Variants in CEP128 observed in about 807,000 individuals in gnomAD.
CEP128 encodes the protein centrosomal protein 128.
A neutral mutation model predicts 156.7 loss-of-function variants in CEP128; 132 were observed. That is an observed-to-expected ratio of 0.84 (90% CI 0.73 to 0.97). The LOEUF (loss-of-function observed/expected upper bound fraction) is 0.97. Among genes scored for constraint, CEP128 ranks in the 50% least tolerant of loss-of-function variants. CEP128 has a pLI of 0.00. For missense variants in CEP128, 1,252 were observed against 1,281.9 expected (o/e 0.98, Z 0.36); for synonymous variants, 469 against 448.9 (o/e 1.04, Z -0.57).
At chr14:80,523,080 A>G (rs1888815650) in intron 23 of CEP128, among the ~76,000 whole-genome samples, 1 of 152,142 alleles carries the variant, frequency 6.6e-6, no homozygotes, top group Admixed American at 6.5e-5. Flanking sequence ...TTGAAAGAGA[A>G]CCTGACTTGC....
At chr14:80,852,454 C>T (rs902983930) in intron 9 of CEP128, among the ~76,000 whole-genome samples, 23 of 151,718 alleles carry the variant, frequency 1.5e-4, no homozygotes, top group Admixed American at 1.4e-3. Context: ...ATCAAGCATT[C>T]AATTTTCAAG....
chr14:80,545,717 A>C (rs570584188), intron 21 of CEP128, among the ~76,000 whole-genome samples: 28 of 152,320 alleles, frequency 1.8e-4, no homozygotes, highest in African/African-American at 6.5e-4. Context: ...ACATGATGCT[A>C]TCAGCAGAAA....
intron 21 of CEP128, among the ~76,000 whole-genome samples, chr14:80,533,861 G>A (rs933933097): frequency 1.3e-5 from 2 of 151,728 alleles, no homozygotes; most frequent in Admixed American, 6.6e-5. Flanking sequence ...TATGTATCTC[G>A]GATATCATAG....
downstream of CEP128, among the ~76,000 whole-genome samples, chr14:80,486,732 A>G (rs541723818): frequency 2.0e-3 from 302 of 152,334 alleles, 1 homozygote; most frequent in African/African-American, 6.8e-3. Context: ...CTTAAAGAAA[A>G]GAATTTTCAA....
intron 14 of CEP128, among the ~76,000 whole-genome samples, chr14:80,789,466 G>C (rs1901590360): frequency 6.6e-6 from 1 of 152,146 alleles, no homozygotes; most frequent in South Asian, 2.1e-4. Flanking sequence ...TGAATTATAA[G>C]GATACAGACT....
chr14:80,817,527 G>C (rs535751810), intron 13 of CEP128, among the ~76,000 whole-genome samples: 1 of 152,264 alleles, frequency 6.6e-6, no homozygotes, highest in South Asian at 2.1e-4. Flanking sequence ...TCAGTAAAGA[G>C]ATGGAAATTA....
At chr14:80,545,410 A>G (rs1398926981) in intron 21 of CEP128, among the ~76,000 whole-genome samples, 1 of 152,252 alleles carries the variant, frequency 6.6e-6, no homozygotes, top group Non-Finnish European at 1.5e-5. Context: ...CTGATTTACC[A>G]TAAAAATAAA....
chr14:80,785,652 A>C (rs963770742), intron 14 of CEP128, 107 bp from the exon 15 acceptor site: 2 of 760,784 alleles, frequency 2.6e-6, no homozygotes, highest in African/African-American at 3.5e-5. Context: ...AAGGAAAAAA[A>C]AAATTCATCA....
chr14:80,775,572 T>C (rs1027660551), intron 16 of CEP128, among the ~76,000 whole-genome samples: 1 of 152,210 alleles, frequency 6.6e-6, no homozygotes, highest in African/African-American at 2.4e-5. Flanking sequence ...ACTACATAGT[T>C]TTAACAACTG....
chr14:80,549,745 A>G (rs1038163676), intron 21 of CEP128, among the ~76,000 whole-genome samples: 7 of 152,222 alleles, frequency 4.6e-5, no homozygotes, highest in African/African-American at 1.7e-4. Context: ...CTAGAGCACA[A>G]TTTAGTGTCC....
chr14:80,640,802 A>G (rs188804018), intron 19 of CEP128, among the ~76,000 whole-genome samples: 1 of 152,334 alleles, frequency 6.6e-6, no homozygotes, highest in East Asian at 1.9e-4. Flanking sequence ...CAAAATTCCA[A>G]TAGTTTATTA....
At chr14:80,874,424 A>G (rs2139276682) in intron 8 of CEP128, among the ~76,000 whole-genome samples, 1 of 151,920 alleles carries the variant, frequency 6.6e-6, no homozygotes, top group South Asian at 2.1e-4. Flanking sequence ...AGATCACACC[A>G]CTGCACCCCA....
intron 16 of CEP128, among the ~76,000 whole-genome samples, chr14:80,766,328 A>T (rs1900237858): frequency 1.3e-5 from 2 of 152,168 alleles, no homozygotes; most frequent in South Asian, 4.1e-4. Flanking sequence ...TGACAATCTC[A>T]TGATAAACAC....
chr14:80,654,840 T>G (rs556049475), intron 19 of CEP128, among the ~76,000 whole-genome samples: 5 of 152,132 alleles, frequency 3.3e-5, no homozygotes, highest in Admixed American at 6.6e-5. Flanking sequence ...TAAATCTTCA[T>G]GGGCTTTAAC....
At chr14:80,930,690 T>G (rs904409299) in intron 2 of CEP128, among the ~76,000 whole-genome samples, 8 of 152,192 alleles carry the variant, frequency 5.3e-5, no homozygotes, top group African/African-American at 1.9e-4. Context: ...ATGGAGACCA[T>G]GCACACTGCA....
intron 8 of CEP128, among the ~76,000 whole-genome samples, chr14:80,868,071 T>TG (rs201198120): frequency 0.015 from 2,308 of 151,220 alleles, 25 homozygotes; most frequent in Middle Eastern, 0.054. Context: ...TGGCAGGGGG[T>TG]GGGGGGAGAC....
intron 19 of CEP128, among the ~76,000 whole-genome samples, chr14:80,621,634 G>A (rs528502119): frequency 6.6e-6 from 1 of 152,038 alleles, no homozygotes; most frequent in South Asian, 2.1e-4. Context: ...CTAAAAAGGG[G>A]GTACGGTCTA....
At chr14:80,612,165 G>A (rs1479239864) in intron 19 of CEP128, among the ~76,000 whole-genome samples, 1 of 152,214 alleles carries the variant, frequency 6.6e-6, no homozygotes, top group East Asian at 1.9e-4. Context: ...CCACAAAAAT[G>A]TAGTTTGCCT....
chr14:80,775,857 G>T (rs1367105496), intron 16 of CEP128, among the ~76,000 whole-genome samples: 1 of 152,066 alleles, frequency 6.6e-6, no homozygotes, highest in East Asian at 1.9e-4. Flanking sequence ...TTTTGAGATG[G>T]AGTCTCGCGC....
Sources: gnomAD v4.1 joint callset for allele counts (sites outside exome capture counted in the v4.1 genomes callset) on GRCh38, gnomAD v4.1.1 for gene constraint, MANE v1.5 for transcripts, NCBI Gene and HGNC (gene_info 2026-07-23, HGNC 2026-07-21) for gene names.